Variants in NSD3 observed in about 807,000 individuals in gnomAD.
The protein encoded by NSD3 is nuclear receptor binding SET domain protein 3, also known as histone-lysine N-methyltransferase NSD3.
A neutral mutation model predicts 160.8 loss-of-function variants in NSD3; 24 were observed. The observed-to-expected ratio is 0.15, with a 90% CI of 0.11 to 0.21. The LOEUF (loss-of-function observed/expected upper bound fraction) is 0.21, where lower values mean the gene tolerates loss of function less well. Ranked by LOEUF, NSD3 falls within the 10% of genes least tolerant of loss-of-function variation. NSD3 has a pLI of 1.00. For synonymous variants in NSD3, 520 were observed against 600.0 expected, an observed-to-expected ratio of 0.87 and a Z score of 1.95; for missense variants, 1,157 against 1,735.9, an observed-to-expected ratio of 0.67 and a Z score of 5.93.
chr8:38,338,129 G>A (rs1181850960), intron 3 of NSD3, among the ~76,000 whole-genome samples: 6 of 151,824 alleles, frequency 4.0e-5, no homozygotes, highest in Non-Finnish European at 7.4e-5. Context: ...GTGAAACCCC[G>A]TCTCTACTAA....
intron 13 of NSD3, among the ~76,000 whole-genome samples, chr8:38,304,959 C>T (rs755586655): frequency 2.9e-4 from 44 of 152,030 alleles, no homozygotes; most frequent in Non-Finnish European, 5.3e-4. Context: ...AGAGATCATC[C>T]AAAGAAAAAA....
At chr8:38,315,588 TTCCC>T (rs756634590) in intron 10 of NSD3, 44 bp from the exon 11 acceptor site, 4 of 1,604,898 alleles carry the variant, frequency 2.5e-6, no homozygotes, top group Middle Eastern at 1.7e-4. Context: ...AAAATGAAAA[TTCCC>T]TCCAAGATAA....
chr8:38,316,338 C>A lies in NSD3; in HGVS notation c.1856-296G>T. 2.8e-6 allele frequency: 3 copies of A among 1,082,564 alleles called. No homozygotes were observed. Among genetic ancestry groups the A allele is most frequent in the South Asian group, 6.5e-5 (2 of 30,622 alleles). 67.1% of individuals were successfully genotyped at this position (1,082,564 alleles called of 1,614,324 possible). A position where few individuals can be genotyped will look rare whatever the true frequency, so the allele number is the denominator to read the frequency against. On this transcript the variant is annotated intron_variant, in intron 9 of 23. Transcript: ENST00000317025. The surrounding 1 kb of genome is among the most constrained non-coding windows in gnomAD (Gnocchi z 4.5). ...CTAAAAATCAATTCTATGAAAATTG[C>A]AGGATAGCTGATGGATTTGGAGCAA...
intron 16 of NSD3, among the ~76,000 whole-genome samples, chr8:38,292,041 T>G (rs1809007441): frequency 6.6e-6 from 1 of 152,216 alleles, no homozygotes; most frequent in Admixed American, 6.5e-5. Flanking sequence ...AAAATTTAAG[T>G]GTTAAAATAA....
At chr8:38,309,997 T>A (rs564579894) in intron 12 of NSD3, among the ~76,000 whole-genome samples, 2 of 152,302 alleles carry the variant, frequency 1.3e-5, no homozygotes, top group African/African-American at 4.8e-5. Context: ...CTAAACTAAT[T>A]TTCATGTCAT....
intron 4 of NSD3, among the ~76,000 whole-genome samples, chr8:38,335,050 C>A (rs886871624): frequency 1.4e-5 from 2 of 139,030 alleles, no homozygotes; most frequent in Non-Finnish European, 3.1e-5. Flanking sequence ...AGTGGTGGAT[C>A]TCGGCTCACT....
At chr8:38,381,014 C>G (rs1811532732) in intron 1 of NSD3, among the ~76,000 whole-genome samples, 1 of 152,150 alleles carries the variant, frequency 6.6e-6, no homozygotes, top group African/African-American at 2.4e-5. Context: ...ACAACAATCA[C>G]AATCCCATAA....
At chr8:38,358,794 T>C (rs1016629072) in intron 1 of NSD3, among the ~76,000 whole-genome samples, 6 of 152,114 alleles carry the variant, frequency 3.9e-5, no homozygotes, top group African/African-American at 1.4e-4. Flanking sequence ...AAAAACATCT[T>C]CTGAATGTGA....
In NSD3 at chr8:38,288,868, GGTT is replaced by G. The variant is rs772146916; in HGVS notation, c.3232-115_3232-113del. On this transcript the variant is annotated intron_variant, in intron 18 of 23. Transcript: ENST00000317025. The surrounding 1 kb of genome is among the most constrained non-coding windows in gnomAD (Gnocchi z 4.5). The stretch of plus-strand genomic sequence containing the variant: ...TGCCTCGTGGTGCTACTCCGAGAAA[GGTT>G]GTCTTTCCTGATGAATAAGCTGAGA... 26 of 1,366,164 alleles carry G rather than the reference GGTT, an allele frequency of 1.9e-5. No individual in the cohort carries two copies. The East Asian group carries it at 6.1e-4, about 32-fold the overall frequency. The allele number at this position is 1,366,164 out of a possible 1,614,324, so 84.6% of individuals were successfully genotyped here.
In NSD3 at chr8:38,291,389, G is replaced by C. The variant is rs1187067788; in HGVS notation, c.2916-712C>G. 2.0e-5 allele frequency among the ~76,000 whole-genome samples: 3 copies of C among 152,198 alleles called. No homozygotes were observed. The East Asian group carries it at 5.8e-4, about 29-fold the overall frequency. ...AATTGAATGATGAAGCTAACAGTCA[G>C]AAAATGAGGCCAACCTCATGGGCTT... On this transcript the variant is annotated intron_variant, in intron 16 of 23. Coordinates refer to ENST00000317025, the MANE Select transcript of NSD3 (RefSeq NM_023034.2).
In NSD3 at chr8:38,347,812, T is replaced by C; in HGVS notation, c.360A>G (p.Arg120=). ...AAGGTTTTTCCAGAATTTCATGTGG[T>C]CTTGTGTTTGGAATTTCTGAATGAT... ...DYYHSEIPNT[R]PHEILEKPSP... Residue 120 remains arginine (R), a synonymous_variant, in exon 2 of 24, where the codon AGA becomes AGG. Transcript: ENST00000317025. The C allele has an allele frequency of 6.2e-7, 1 of 1,614,046 alleles. No individual in the cohort carries two copies. Among genetic ancestry groups the C allele is most frequent in the Middle Eastern group, 1.6e-4 (1 of 6,062 alleles).
intron 7 of NSD3, among the ~76,000 whole-genome samples, chr8:38,322,309 C>T (rs960238926): frequency 2.0e-5 from 3 of 152,038 alleles, no homozygotes; most frequent in African/African-American, 7.2e-5. Flanking sequence ...TGTGGTTAAT[C>T]GATTTATAGT....
At position 38,378,335 on chromosome 8, in the gene NSD3, C is replaced by T. The variant is rs533221714; in HGVS notation, c.-45+3464G>A. 1.4e-4 allele frequency among the ~76,000 whole-genome samples: 21 copies of T among 152,082 alleles called. No individual in the cohort carries two copies. The South Asian group carries it at 4.0e-3, about 29-fold the overall frequency. ...CCTGGCCAACATAGTGAAACCCTGT[C>T]TCTACTAAAAAAAATACAAAAATTG... is the stretch of plus-strand genomic sequence containing the variant. On this transcript the variant is annotated intron_variant, in intron 1 of 23. Transcript: ENST00000317025.
Position 38,316,913 on chromosome 8 carries a change from A to G in NSD3, c.1856-871T>C. 2 of 1,062,922 alleles carry G rather than the reference A, an allele frequency of 1.9e-6. No individual in the cohort carries two copies. Among genetic ancestry groups the G allele is most frequent in the Non-Finnish European group, 2.3e-6 (2 of 877,562 alleles). 65.8% of individuals were successfully genotyped at this position (1,062,922 alleles called of 1,614,324 possible). ...CTAATGCAGTATAGGCTATACAGAA[A>G]CAGCCACGATGAAATGTGCAGATCA... On this transcript the variant is annotated intron_variant, in intron 9 of 23. Transcript: ENST00000317025. The surrounding 1 kb of genome is among the most constrained non-coding windows in gnomAD (Gnocchi z 4.5).
At position 38,288,777 on chromosome 8, in the gene NSD3, CGA is replaced by C; in HGVS notation, c.3232-23_3232-22del. The C allele has an allele frequency of 6.2e-7, 1 of 1,606,388 alleles. No homozygotes were observed. Among genetic ancestry groups the C allele is most frequent in the Non-Finnish European group, 8.5e-7 (1 of 1,174,132 alleles). On this transcript the variant is annotated intron_variant, in intron 18 of 23. Coordinates refer to ENST00000317025, the MANE Select transcript of NSD3 (RefSeq NM_023034.2). The surrounding 1 kb of genome is among the most constrained non-coding windows in gnomAD (Gnocchi z 4.5). ...TTAGCCTAGAAAACAAAATCGCAAG[CGA>C]GAGAGAGGCAGCAGGTAAGTCATCT...
At position 38,317,545 on chromosome 8, in the gene NSD3, T is replaced by C. The variant is rs1177214657; in HGVS notation, c.1855+1350A>G. The C allele has an allele frequency of 2.8e-6, 3 of 1,067,000 alleles. No homozygotes were observed. The highest frequency in any genetic ancestry group is 5.1e-5 in the Admixed American group (1 of 19,588). 66.1% of individuals were successfully genotyped at this position (1,067,000 alleles called of 1,614,324 possible). The stretch of plus-strand genomic sequence containing the variant: ...AAGACAGCTGTCATGCTGTTCTCCA[T>C]GATAACGGCACTAATATTAAAAAAA... On this transcript the variant is annotated intron_variant, in intron 9 of 23. Transcript: ENST00000317025. The surrounding 1 kb of genome is among the most constrained non-coding windows in gnomAD (Gnocchi z 5.3).
At chr8:38,283,493 AAG>A (rs1299800858) in intron 19 of NSD3, among the ~76,000 whole-genome samples, 1 of 146,920 alleles carries the variant, frequency 6.8e-6, no homozygotes, top group African/African-American at 2.5e-5. Flanking sequence ...GCTGAAGAGA[AAG>A]AAGTACTGCA....
intron 1 of NSD3, among the ~76,000 whole-genome samples, chr8:38,369,061 T>G (rs1197621650): frequency 6.6e-6 from 1 of 152,212 alleles, no homozygotes. Flanking sequence ...ATATGTAGTT[T>G]TTAAGGCACT....
chr8:38,280,514 A>C (rs148438072), intron 20 of NSD3, among the ~76,000 whole-genome samples: 1 of 152,352 alleles, frequency 6.6e-6, no homozygotes, highest in East Asian at 1.9e-4. Context: ...AGTTATAGAG[A>C]TATGATAGCC....
Sources: allele counts gnomAD v4.1 joint callset (sites outside exome capture counted in the v4.1 genomes callset), GRCh38; gene constraint gnomAD v4.1.1; non-coding constraint Gnocchi (gnomAD v3.1); transcripts MANE v1.5; gene names NCBI Gene and HGNC (gene_info 2026-07-23, HGNC 2026-07-21).